Variants in CCDC15 observed in about 807,000 individuals in gnomAD.
CCDC15 encodes the protein coiled-coil domain-containing protein 15.
A neutral mutation model predicts 114.5 loss-of-function variants in CCDC15; 105 were observed. The observed-to-expected ratio is 0.92, with a 90% CI of 0.78 to 1.08. The LOEUF is 1.08. Ranked by LOEUF, CCDC15 falls within the 50% of genes least tolerant of loss-of-function variation. The pLI, the probability that CCDC15 is intolerant of heterozygous loss-of-function variation, is 0.00. For synonymous variants in CCDC15, 334 were observed against 377.8 expected (o/e 0.88, Z 1.34); for missense variants, 1,105 against 1,093.6 (o/e 1.01, Z -0.15).
At chr11:125,006,374 T>C (rs1352121962) in intron 13 of CCDC15, among the ~76,000 whole-genome samples, 1 of 152,240 alleles carries the variant, frequency 6.6e-6, no homozygotes, top group African/African-American at 2.4e-5. Flanking sequence ...TGGTGATGTG[T>C]CTGTTCATTT....
intron 13 of CCDC15, chr11:125,037,923 T>TG (rs35205863): frequency 0.4 from 59,890 of 149,220 alleles, 12,881 homozygotes; most frequent in African/African-American, 0.58. Context: ...AAAAACTGTT[T>TG]TTTTTTTTTT....
At position 125,022,019 on chromosome 11, in the gene CCDC15, G is replaced by A. The variant is rs531519586; in HGVS notation, c.2412-16412G>A. ...ATGTCTTCAAGACACTTACTTTACTGGCTCTCATTGGAATAAGATCTCAAT... is the reference window on the plus strand; with the variant it reads ...ATGTCTTCAAGACACTTACTTTACTAGCTCTCATTGGAATAAGATCTCAAT... On this transcript the variant is annotated intron_variant, in intron 13 of 15. Coordinates refer to ENST00000344762, the MANE Select transcript of CCDC15 (RefSeq NM_025004.3). Among the ~76,000 whole-genome samples, 13 of 151,940 alleles carry A rather than the reference G, an allele frequency of 8.6e-5. No individual in the cohort carries two copies. In the East Asian group the frequency reaches 1.9e-3, roughly 23 times the overall value.
At chr11:125,022,910 G>T (rs541087089) in intron 13 of CCDC15, among the ~76,000 whole-genome samples, 55 of 151,954 alleles carry the variant, frequency 3.6e-4, no homozygotes, top group African/African-American at 1.2e-3. Context: ...CTTTTTTGAT[G>T]ATTTTCTCAC....
intron 2 of CCDC15, among the ~76,000 whole-genome samples, chr11:124,956,835 T>C (rs1947560972): frequency 6.6e-6 from 1 of 152,216 alleles, no homozygotes; most frequent in Admixed American, 6.5e-5. Context: ...GATATAGCTC[T>C]GTCAGCTCAA....
chr11:124,993,062 C>A lies in CCDC15; in HGVS notation c.2140-107C>A, dbSNP rs961810652. 86 of 692,470 alleles carry A rather than the reference C, an allele frequency of 1.2e-4. No homozygotes were observed. The East Asian group carries it at 2.3e-3, about 19-fold the overall frequency. 42.9% of individuals were successfully genotyped at this position (692,470 alleles called of 1,614,324 possible). A position where few individuals can be genotyped will look rare whatever the true frequency, so the allele number is the denominator to read the frequency against. On this transcript the variant is annotated intron_variant, in intron 10 of 15. Coordinates refer to ENST00000344762, the MANE Select transcript of CCDC15 (RefSeq NM_025004.3). ...CACAGCTTTAACTGTGTTCTATTAT[C>A]CTCACCTAGTGTCATTACTCTGGGA... is the stretch of plus-strand genomic sequence containing the variant.
chr11:124,989,455 G>A (rs1176129701), intron 8 of CCDC15, among the ~76,000 whole-genome samples: 2 of 152,190 alleles, frequency 1.3e-5, no homozygotes, highest in African/African-American at 2.4e-5. Context: ...ATGTGCATTG[G>A]CTTCAACTTA....
intron 4 of CCDC15, among the ~76,000 whole-genome samples, chr11:124,973,684 C>T (rs190355253): frequency 7.7e-4 from 117 of 152,030 alleles, no homozygotes; most frequent in African/African-American, 2.3e-3. Flanking sequence ...GGTGCGGTGG[C>T]GCAATCTTGG....
intron 13 of CCDC15, 149 bp downstream of exon 13, chr11:125,005,361 A>G: frequency 2.1e-6 from 1 of 468,188 alleles, no homozygotes. Context: ...AAGATGGTGA[A>G]CAGCTATGGT....
chr11:125,037,822 G>A (rs1324376670), intron 13 of CCDC15, among the ~76,000 whole-genome samples: 1 of 152,090 alleles, frequency 6.6e-6, no homozygotes, highest in Non-Finnish European at 1.5e-5. Context: ...GAGGGCAAAT[G>A]CGGTCCCTGT....
At position 125,040,686 on chromosome 11, in the gene CCDC15, A is replaced by G. The variant is rs971885648; in HGVS notation, c.2831A>G (p.His944Arg). The G allele has an allele frequency of 2.5e-6, 4 of 1,612,294 alleles. No individual in the cohort carries two copies. The highest frequency in any genetic ancestry group is 2.5e-6 in the Non-Finnish European group (3 of 1,179,060). The change falls in exon 16 of 16, where the codon CAC (histidine) becomes CGC (arginine). Residue 944 changes from histidine to arginine, a missense_variant. By Grantham distance (29) the His-to-Arg change is conservative. Coordinates refer to ENST00000344762, the MANE Select transcript of CCDC15 (RefSeq NM_025004.3). Reference protein sequence around the residue: ...RVAIHNFASAHRRTLKNL With the variant: ...RVAIHNFASARRRTLKNL ...GCAATTCATAATTTTGCTTCTGCAC[A>G]CAGGCGGACTTTGAAAAATCTATAA...
At chr11:125,038,112 T>A (rs147111670) in intron 13 of CCDC15, 1 of 160,290 alleles carries the variant, frequency 6.2e-6, no homozygotes, top group African/African-American at 2.4e-5. Context: ...TAGAGATGGG[T>A]TTTCACCATG....
At chr11:124,981,843 AC>A (rs1422418542) in intron 6 of CCDC15, among the ~76,000 whole-genome samples, 1 of 151,426 alleles carries the variant, frequency 6.6e-6, no homozygotes, top group African/African-American at 2.4e-5. Flanking sequence ...CTGGTTTTGA[AC>A]TCCTGATCTC....
intron 13 of CCDC15, among the ~76,000 whole-genome samples, chr11:125,031,534 G>A (rs1299944619): frequency 6.6e-6 from 1 of 152,164 alleles, no homozygotes; most frequent in African/African-American, 2.4e-5. Flanking sequence ...GGCAGTTCAG[G>A]TTGCATGATA....
At chr11:125,009,746 C>T (rs1355499684) in intron 13 of CCDC15, among the ~76,000 whole-genome samples, 1 of 152,134 alleles carries the variant, frequency 6.6e-6, no homozygotes, top group Non-Finnish European at 1.5e-5. Context: ...TAAGTGAGAG[C>T]ATGCAGTATT....
In CCDC15 at chr11:125,016,400, GA is replaced by G. The variant is rs199972650; in HGVS notation, c.2411+11198del. ...ATGTGGACTGGGGTTGGGATGCTTG[GA>G]AAAAAAAAATCTTTATCAAGTTGTC... On this transcript the variant is annotated intron_variant, in intron 13 of 15. Coordinates refer to ENST00000344762, the MANE Select transcript of CCDC15 (RefSeq NM_025004.3). Among the ~76,000 whole-genome samples the G allele has an allele frequency of 1.3e-3, 197 of 149,176 alleles. 2 individuals carry two copies. Among genetic ancestry groups the G allele is most frequent in the Admixed American group, 0.011 (163 of 14,994 alleles).
chr11:125,024,943 T>C (rs1948685300), intron 13 of CCDC15, among the ~76,000 whole-genome samples: 1 of 143,124 alleles, frequency 7.0e-6, no homozygotes, highest in South Asian at 2.2e-4. Context: ...AGTGTTCTCT[T>C]CCTAGTTTCT....
At chr11:125,017,914 G>A (rs1392471221) in intron 13 of CCDC15, among the ~76,000 whole-genome samples, 2 of 152,020 alleles carry the variant, frequency 1.3e-5, no homozygotes, top group Non-Finnish European at 2.9e-5. Context: ...TTTTTTTACA[G>A]CTGTACAACA....
At chr11:125,020,363 C>G (rs1948653679) in intron 13 of CCDC15, among the ~76,000 whole-genome samples, 1 of 151,878 alleles carries the variant, frequency 6.6e-6, no homozygotes, top group African/African-American at 2.4e-5. Context: ...TTCTAGGTCT[C>G]TTAACTTTGT....
chr11:125,013,481 T>A (rs1360607022), intron 13 of CCDC15, among the ~76,000 whole-genome samples: 1 of 152,134 alleles, frequency 6.6e-6, no homozygotes, highest in Non-Finnish European at 1.5e-5. Context: ...CAGAGTCCAG[T>A]TAAGAAGTTA....
Sources: allele counts gnomAD v4.1 joint callset (sites outside exome capture counted in the v4.1 genomes callset), GRCh38; gene constraint gnomAD v4.1.1; transcripts MANE v1.5; gene names NCBI Gene and HGNC (gene_info 2026-07-23, HGNC 2026-07-21).